DSTYK: variants seen among roughly 807,000 people sequenced by gnomAD.
DSTYK encodes the protein RIP-homologous kinase.
Under a neutral mutation model 98.7 loss-of-function variants are expected in DSTYK, and 34 were observed. That is an observed-to-expected ratio of 0.34 (90% CI 0.26 to 0.46). DSTYK has a LOEUF of 0.46. Among genes scored for constraint, DSTYK ranks in the 20% least tolerant of loss-of-function variants. The pLI, the probability that DSTYK is intolerant of heterozygous loss-of-function variation, is 1.00. For missense variants in DSTYK, 962 were observed against 1,181.7 expected (o/e 0.81, Z 2.73); for synonymous variants, 462 against 457.3 (o/e 1.01, Z -0.13).
chr1:205,204,698 T>G (rs1045802955), intron 1 of DSTYK, among the ~76,000 whole-genome samples: 4 of 152,112 alleles, frequency 2.6e-5, no homozygotes, highest in Admixed American at 2.0e-4. Context: ...TCCAGAGCAC[T>G]CTCATCTCCT....
At position 205,147,420 on chromosome 1, in the gene DSTYK, G is replaced by A; in HGVS notation, c.*138C>T. The A allele has an allele frequency of 2.2e-6, 2 of 906,182 alleles. No individual in the cohort carries two copies. The highest frequency in any genetic ancestry group is 3.3e-6 in the Non-Finnish European group (2 of 600,270). 56.1% of individuals were successfully genotyped at this position (906,182 alleles called of 1,614,324 possible). ...ACTGTCCAGGAGTCATCCCTGCCTGGGAAGGTTCCAAGTTTCCCAGCAAGC... is the reference window on the plus strand; with the variant it reads ...ACTGTCCAGGAGTCATCCCTGCCTGAGAAGGTTCCAAGTTTCCCAGCAAGC... On this transcript the variant is annotated 3_prime_UTR_variant, in exon 13 of 13. Coordinates refer to ENST00000367162, the MANE Select transcript of DSTYK (RefSeq NM_015375.3).
Position 205,152,552 on chromosome 1 carries a change from T to C in DSTYK, c.2353-1758A>G, listed in dbSNP as rs559309202. ...AAACTGTCATTGCGCAGTGCATGAC[T>C]GTACTTCATAAATCCTGCCGCCAAC... On this transcript the variant is annotated intron_variant, in intron 10 of 12. Transcript: ENST00000367162. 2.0e-5 allele frequency among the ~76,000 whole-genome samples: 3 copies of C among 152,358 alleles called. No homozygotes were observed. The East Asian group carries it at 5.8e-4, about 29-fold the overall frequency.
At chr1:205,188,922 T>C (rs1658631970) in intron 1 of DSTYK, among the ~76,000 whole-genome samples, 1 of 152,146 alleles carries the variant, frequency 6.6e-6, no homozygotes. Flanking sequence ...GAACTGCCTA[T>C]TAGGATAAAA....
In DSTYK at chr1:205,147,336, T is replaced by C. The variant is rs369841511; in HGVS notation, c.*222A>G. On this transcript the variant is annotated 3_prime_UTR_variant, in exon 13 of 13. Transcript: ENST00000367162. ...TTACACATCTGAGACACTTTTTTGCTAAAGGGATAGCTTGGCGCTTCAGTG... is the reference window on the plus strand; with the variant it reads ...TTACACATCTGAGACACTTTTTTGCCAAAGGGATAGCTTGGCGCTTCAGTG... 9.3e-6 allele frequency: 4 copies of C among 428,634 alleles called. No individual in the cohort carries two copies. The highest frequency in any genetic ancestry group is 3.5e-5 in the Admixed American group (1 of 28,234). The allele number at this position is 428,634 out of a possible 1,614,324, so 26.6% of individuals were successfully genotyped here. A position where few individuals can be genotyped will look rare whatever the true frequency, so the allele number is the denominator to read the frequency against.
chr1:205,211,559 C>A lies in DSTYK; in HGVS notation c.-24G>T. ...ATCGCCTCTGCCCGCTCTGTCTTTG[C>A]GGCTCGGTCCCCGGCCGCAGGCCCG... is the stretch of plus-strand genomic sequence containing the variant. On this transcript the variant is annotated 5_prime_UTR_variant, in exon 1 of 13. Transcript: ENST00000367162. The A allele has an allele frequency of 1.4e-6, 2 of 1,456,344 alleles. No individual in the cohort carries two copies. Among genetic ancestry groups the A allele is most frequent in the South Asian group, 1.4e-5 (1 of 70,390 alleles). 90.2% of individuals were successfully genotyped at this position (1,456,344 alleles called of 1,614,324 possible).
chr1:205,183,929 G>A (rs1290474775), intron 2 of DSTYK, among the ~76,000 whole-genome samples: 2 of 152,114 alleles, frequency 1.3e-5, no homozygotes, highest in South Asian at 2.1e-4. Flanking sequence ...CAAAACCACT[G>A]GAGAATAAAG....
chr1:205,152,272 G>T (rs1232019647), intron 10 of DSTYK, among the ~76,000 whole-genome samples: 2 of 152,172 alleles, frequency 1.3e-5, no homozygotes, highest in Non-Finnish European at 2.9e-5. Context: ...CTGCCTCCCG[G>T]GTTCAAGCGA....
At chr1:205,210,619 C>T (rs574462971) in intron 1 of DSTYK, among the ~76,000 whole-genome samples, 7 of 152,284 alleles carry the variant, frequency 4.6e-5, no homozygotes, top group Non-Finnish European at 7.4e-5. Flanking sequence ...TCTCCATTGG[C>T]TCAGGACCAA....
chr1:205,202,209 G>T, intron 1 of DSTYK: 1 of 573,416 alleles, frequency 1.7e-6, no homozygotes, highest in South Asian at 1.4e-5. Flanking sequence ...CTATTCACTT[G>T]ACCCAGAGAA....
intron 7 of DSTYK, among the ~76,000 whole-genome samples, chr1:205,160,703 T>G (rs1657691979): frequency 6.6e-6 from 1 of 152,134 alleles, no homozygotes; most frequent in Non-Finnish European, 1.5e-5. Context: ...GGGATAAAAT[T>G]CTAGTGTCAT....
intron 1 of DSTYK, among the ~76,000 whole-genome samples, chr1:205,206,352 T>C (rs1462875895): frequency 6.6e-6 from 1 of 151,776 alleles, no homozygotes; most frequent in Non-Finnish European, 1.5e-5. Context: ...CAATCTCGGC[T>C]CACCAAAACC....
chr1:205,175,201 C>T (rs187496863), intron 2 of DSTYK, among the ~76,000 whole-genome samples: 330 of 151,368 alleles, frequency 2.2e-3, no homozygotes, highest in African/African-American at 7.2e-3. Context: ...CCCAGGTTCA[C>T]GCCATTCTCC....
At chr1:205,158,569 T>C (rs1463790702) in intron 9 of DSTYK, among the ~76,000 whole-genome samples, 1 of 152,176 alleles carries the variant, frequency 6.6e-6, no homozygotes, top group Non-Finnish European at 1.5e-5. Flanking sequence ...TCTTAACATT[T>C]TGGGTCTTAT....
intron 1 of DSTYK, among the ~76,000 whole-genome samples, chr1:205,192,849 C>T (rs567393643): frequency 2.1e-3 from 312 of 152,146 alleles, no homozygotes; most frequent in African/African-American, 7.1e-3. Flanking sequence ...GTGACAAGAG[C>T]GAAACTCCAT....
At chr1:205,152,438 A>G (rs1161620002) in intron 10 of DSTYK, among the ~76,000 whole-genome samples, 1 of 152,206 alleles carries the variant, frequency 6.6e-6, no homozygotes, top group African/African-American at 2.4e-5. Context: ...CGGCCTCCCA[A>G]AGTGCTGGGA....
chr1:205,186,687 T>C (rs1658567678), intron 2 of DSTYK, among the ~76,000 whole-genome samples: 2 of 152,186 alleles, frequency 1.3e-5, no homozygotes, highest in Admixed American at 6.6e-5. Flanking sequence ...TGGTCCTAAC[T>C]ATCCAGTAGG....
chr1:205,176,102 C>A (rs1047283817), intron 2 of DSTYK, among the ~76,000 whole-genome samples: 3 of 152,190 alleles, frequency 2.0e-5, no homozygotes, highest in Non-Finnish European at 2.9e-5. Context: ...AAAGAGATTT[C>A]TCTTGTAGAA....
At chr1:205,175,442 A>G (rs1306152017) in intron 2 of DSTYK, among the ~76,000 whole-genome samples, 1 of 152,180 alleles carries the variant, frequency 6.6e-6, no homozygotes, top group African/African-American at 2.4e-5. Flanking sequence ...ATGGATAGAA[A>G]ACAGGTATCA....
At chr1:205,196,795 G>A (rs1440438681) in intron 1 of DSTYK, among the ~76,000 whole-genome samples, 2 of 109,046 alleles carry the variant, frequency 1.8e-5, no homozygotes, top group East Asian at 2.8e-4. Flanking sequence ...ATGGAGTTTC[G>A]TTCTTGTTGC....
Sources: gnomAD v4.1 joint callset for allele counts (sites outside exome capture counted in the v4.1 genomes callset) on GRCh38, gnomAD v4.1.1 for gene constraint, MANE v1.5 for transcripts, NCBI Gene and HGNC (gene_info 2026-07-23, HGNC 2026-07-21) for gene names.